Variants in PCSK7 observed in about 807,000 individuals in gnomAD.
PCSK7 encodes lymphoma proprotein convertase.
In PCSK7, 38 loss-of-function variants were observed where a neutral mutation model predicts 73.3. The observed-to-expected ratio is 0.52, with a 90% CI of 0.40 to 0.68. The LOEUF (loss-of-function observed/expected upper bound fraction) is 0.68, where lower values mean the gene tolerates loss of function less well. Ranked by LOEUF, PCSK7 falls within the 30% of genes least tolerant of loss-of-function variation. The pLI is 0.00. For synonymous variants in PCSK7, 296 were observed against 383.8 expected (o/e 0.77, Z 2.68); for missense variants, 692 against 991.5 (o/e 0.70, Z 4.06).
At chr11:117,223,127 A>T in intron 9 of PCSK7, 81 bp downstream of exon 9, 2 of 841,652 alleles carry the variant, frequency 2.4e-6, no homozygotes, top group East Asian at 2.4e-5. Context: ...GAAGCAGGGA[A>T]CAGTGAGAAG....
intron 12 of PCSK7, 64 bp from the exon 13 acceptor site, chr11:117,209,117 A>G (rs373191014): frequency 0.023 from 26,752 of 1,139,228 alleles, 254 homozygotes; most frequent in South Asian, 0.072. Context: ...CTTCACCCCC[A>G]CGTACACAAA....
chr11:117,229,010 T>G (rs1347116879), intron 3 of PCSK7, among the ~76,000 whole-genome samples: 2 of 152,220 alleles, frequency 1.3e-5, no homozygotes, highest in Non-Finnish European at 2.9e-5. Context: ...GTGCTACACA[T>G]GTATACATTC....
At chr11:117,211,782 G>A (rs1455606409) in intron 12 of PCSK7, 2 of 152,240 alleles carry the variant, frequency 1.3e-5, no homozygotes, top group Non-Finnish European at 2.9e-5. Flanking sequence ...CCAGTGTTAA[G>A]AGCATGGGCT....
intron 12 of PCSK7, chr11:117,211,658 C>T (rs2031734807): frequency 6.6e-6 from 1 of 152,266 alleles, no homozygotes; most frequent in Non-Finnish European, 1.5e-5. Flanking sequence ...CAAACAATGG[C>T]TCAGCCTGAT....
At position 117,205,604 on chromosome 11, in the gene PCSK7, C is replaced by A. The variant is rs1029229204; in HGVS notation, c.*393G>T. On this transcript the variant is annotated 3_prime_UTR_variant, in exon 17 of 17. Coordinates refer to ENST00000320934, the MANE Select transcript of PCSK7 (RefSeq NM_004716.4). ...CCCCGAAGTCCTCTTCCCAAGTGAC[C>A]CCAGTGATGTTTCCATTGAGATGCG... 1.6e-5 allele frequency: 4 copies of A among 244,082 alleles called. No homozygotes were observed. In the Admixed American group the frequency reaches 2.2e-4, roughly 13 times the overall value. The allele number at this position is 244,082 out of a possible 1,614,324, so 15.1% of individuals were successfully genotyped here. A position where few individuals can be genotyped will look rare whatever the true frequency, so the allele number is the denominator to read the frequency against.
At position 117,206,229 on chromosome 11, in the gene PCSK7, C is replaced by T. The variant is rs566969434; in HGVS notation, c.2126G>A (p.Arg709Gln). 3.8e-5 allele frequency: 62 copies of T among 1,614,162 alleles called. No homozygotes were observed. Among genetic ancestry groups the T allele is most frequent in the East Asian group, 8.9e-5 (4 of 44,874 alleles). ...CCCTTCCTCCTTGGCTTTCCGGCTC[C>T]GATGGGGCCAGTGGCAGGGTCCACT... ...CRSGPCHWPH[R>Q]SRKAKEEGTE... Residue 709 changes from arginine (R) to glutamine (Q), a missense_variant, in exon 17 of 17, where the codon CGG becomes CAG. Arg to Gln is a conservative substitution (Grantham distance 43). Coordinates refer to ENST00000320934, the MANE Select transcript of PCSK7 (RefSeq NM_004716.4).
chr11:117,228,612 C>CTTT (rs751494008), intron 3 of PCSK7, among the ~76,000 whole-genome samples: 6 of 132,084 alleles, frequency 4.5e-5, no homozygotes, highest in Admixed American at 7.8e-5. Flanking sequence ...TGATACACTT[C>CTTT]TTTTTTTTTT....
chr11:117,215,205 T>A (rs1261102826), intron 12 of PCSK7: 1 of 151,636 alleles, frequency 6.6e-6, no homozygotes, highest in African/African-American at 2.4e-5. Context: ...AGCCTTATTA[T>A]TATTATTTGA....
chr11:117,227,450 T>C (rs976993017), intron 4 of PCSK7, 128 bp from the exon 5 acceptor site: 5 of 755,298 alleles, frequency 6.6e-6, no homozygotes, highest in African/African-American at 1.7e-5. Flanking sequence ...TTTCTCATCG[T>C]TTCTGTTTTT....
chr11:117,208,960 T>G lies in PCSK7; in HGVS notation c.1628A>C (p.Glu543Ala). 6.2e-7 allele frequency: 1 copy of G among 1,612,484 alleles called. No individual in the cohort carries two copies. The highest frequency in any genetic ancestry group is 8.5e-7 in the Non-Finnish European group (1 of 1,179,818). ...GCCACTGGGGCAGAACAGCTTCAGC[T>G]CCAAGCTGCCGCGCCGTGGGTGAGT... The part of the protein sequence containing the change: ...SITHPRRGSL[E>A]LKLFCPSGMM... The change falls in exon 13 of 17, where the codon GAG becomes GCG. Residue 543 changes from glutamate (E) to alanine (A), a missense_variant. Around this residue, in one of 6 missense-constraint regions of PCSK7, gnomAD observed 20 missense variants for 32.1 expected, o/e 0.62. Coordinates refer to ENST00000320934, the MANE Select transcript of PCSK7 (RefSeq NM_004716.4).
At chr11:117,226,067 T>G in intron 5 of PCSK7, 46 bp from the exon 6 acceptor site, 33 of 1,082,858 alleles carry the variant, frequency 3.0e-5, no homozygotes, top group Non-Finnish European at 4.5e-5. Context: ...GCTGGTCTCC[T>G]AGCCGGGGAA....
At chr11:117,206,925 T>G in intron 15 of PCSK7, 127 bp from the exon 16 acceptor site, 1 of 959,430 alleles carries the variant, frequency 1.0e-6, no homozygotes, top group Non-Finnish European at 1.7e-6. Flanking sequence ...AGGCCCAGAC[T>G]GTGAGTTCCC....
chr11:117,217,027 T>TA (rs1425500700), intron 12 of PCSK7: 3 of 151,992 alleles, frequency 2.0e-5, no homozygotes, highest in South Asian at 4.2e-4. Flanking sequence ...TTCCAACAGG[T>TA]AAAGGGCTCC....
Position 117,224,661 on chromosome 11 carries a change from G to A in PCSK7, c.915+40C>T, listed in dbSNP as rs746901643. The A allele has an allele frequency of 1.6e-5, 24 of 1,512,694 alleles. No homozygotes were observed. The East Asian group carries it at 2.2e-4, about 14-fold the overall frequency. The allele number at this position is 1,512,694 out of a possible 1,614,324, so 93.7% of individuals were successfully genotyped here. ...CAGTTCTCCCGGGACTGTATGAAGA[G>A]GGCATCCCGTTTCTCAGAGTCTTTG... On this transcript the variant is annotated intron_variant, in intron 7 of 16. Transcript: ENST00000320934.
chr11:117,212,403 T>A (rs1254040599), intron 12 of PCSK7: 1 of 135,424 alleles, frequency 7.4e-6, no homozygotes, highest in African/African-American at 3.0e-5. Flanking sequence ...TTTTTTCTTT[T>A]CTTTTTTTTT....
At chr11:117,226,057 G>T in intron 5 of PCSK7, 36 bp from the exon 6 acceptor site, 2 of 1,173,028 alleles carry the variant, frequency 1.7e-6, no homozygotes, top group Non-Finnish European at 2.6e-6. Flanking sequence ...CCTCACTAAT[G>T]CTGGTCTCCT....
intron 5 of PCSK7, chr11:117,226,689 T>G (rs1311375358): frequency 1.3e-5 from 2 of 159,886 alleles, no homozygotes. Flanking sequence ...GGAGTTATGG[T>G]GAGGGCTTCC....
Position 117,229,654 on chromosome 11 carries a change from TCACCTTCCA to T in PCSK7, c.182_190del (p.Leu61_Asp64delinsHis). On this transcript the variant is annotated inframe_deletion, in exon 3 of 17. Transcript: ENST00000320934. ...CTGCTCCAGAGTCTCTTCCTCCCCG[TCACCTTCCA>T]GGCTTTCCAGGTGCACAGCCCAGCT... The T allele has an allele frequency of 6.2e-7, 1 of 1,613,908 alleles. No individual in the cohort carries two copies. Among genetic ancestry groups the T allele is most frequent in the Non-Finnish European group, 8.5e-7 (1 of 1,179,796 alleles).
At chr11:117,229,929 G>A in intron 2 of PCSK7, 73 bp from the exon 3 acceptor site, 1 of 875,120 alleles carries the variant, frequency 1.1e-6, no homozygotes, top group Non-Finnish European at 1.7e-6. Context: ...GGGAGATGCT[G>A]AGCCATCCAT....
Sources: allele counts gnomAD v4.1 joint callset (sites outside exome capture counted in the v4.1 genomes callset), GRCh38; gene constraint gnomAD v4.1.1; regional missense constraint gnomAD v4.1.1; transcripts MANE v1.5; gene names NCBI Gene and HGNC (gene_info 2026-07-23, HGNC 2026-07-21).